NHS: variants seen among roughly 807,000 people sequenced by gnomAD.
The protein encoded by NHS is actin remodeling regulator NHS.
NHS carries 5 observed loss-of-function variants against 72.5 expected under a neutral mutation model. The ratio of observed to expected loss-of-function variants is 0.07; its 90% CI spans 0.04 to 0.14. The LOEUF (loss-of-function observed/expected upper bound fraction) is 0.14. Ranked by LOEUF, NHS falls within the 10% of genes least tolerant of loss-of-function variation. The probability of loss-of-function intolerance (pLI) is 1.00; values close to 1 mark genes in which losing one functional copy is unlikely to be tolerated. For synonymous variants in NHS, 464 were observed against 547.7 expected (o/e 0.85, Z 2.13); for missense variants, 1,072 against 1,355.7 (o/e 0.79, Z 3.29).
intron 1 of NHS, among the ~76,000 whole-genome samples, chrX:17,662,566 G>T (rs1318226021): frequency 8.9e-6 from 1 of 111,824 alleles, no homozygotes; most frequent in Non-Finnish European, 1.9e-5. Flanking sequence ...AATTTTGAGG[G>T]TTGCCAGGAT....
At chrX:17,622,953 G>A (rs952184923) in intron 1 of NHS, among the ~76,000 whole-genome samples, 1 of 110,392 alleles carries the variant, frequency 9.1e-6, no homozygotes, top group Non-Finnish European at 1.9e-5. Flanking sequence ...TTTTAGATGG[G>A]TTCTTGCTCA....
intron 1 of NHS, among the ~76,000 whole-genome samples, chrX:17,393,954 C>T (rs1213677412): frequency 9.0e-6 from 1 of 111,533 alleles, no homozygotes; most frequent in African/African-American, 3.3e-5. Flanking sequence ...GTTTCCCTGA[C>T]TCCGTTGCTG....
Position 17,727,787 on chromosome X carries a change from T to A in NHS, c.3681T>A (p.Asn1227Lys), listed in dbSNP as rs1407704825. 8.3e-7 allele frequency: 1 copy of A among 1,210,029 alleles called. No individual in the cohort carries two copies. Among genetic ancestry groups the A allele is most frequent in the Non-Finnish European group, 1.1e-6 (1 of 895,302 alleles). The change falls in exon 7 of 9, where the codon AAT becomes AAA. Residue 1227 changes from asparagine (N) to lysine (K), a missense_variant. Asn to Lys is a moderately conservative substitution (Grantham distance 94, BLOSUM62 0). Coordinates refer to ENST00000676302, the MANE Select transcript of NHS (RefSeq NM_001291867.2). Reference sequence around the variant, plus strand: ...AAAACTCTACTTTTGATGTGAAGAATCGCTGCGATCCAGAAACCATAACAT... The same window carrying A: ...AAAACTCTACTTTTGATGTGAAGAAACGCTGCGATCCAGAAACCATAACAT... ...LEKNSTFDVK[N>K]RCDPETITSA...
chrX:17,569,451 C>T (rs1260792236), intron 1 of NHS, among the ~76,000 whole-genome samples: 1 of 110,473 alleles, frequency 9.1e-6, no homozygotes, highest in Non-Finnish European at 1.9e-5. Flanking sequence ...TGTCTGTTGG[C>T]TGCATAAATG....
intron 1 of NHS, among the ~76,000 whole-genome samples, chrX:17,668,069 T>C (rs1482327972): frequency 2.2e-5 from 2 of 90,603 alleles, no homozygotes; most frequent in Admixed American, 1.3e-4. Flanking sequence ...CCTGGCAACA[T>C]GGCAAAACCC....
chrX:17,665,511 C>T (rs944302386), intron 1 of NHS, among the ~76,000 whole-genome samples: 2 of 107,409 alleles, frequency 1.9e-5, no homozygotes, highest in African/African-American at 6.8e-5. Context: ...GTATTTTTAG[C>T]AGAGACGGGG....
At chrX:17,581,875 T>C (rs1398573208) in intron 1 of NHS, among the ~76,000 whole-genome samples, 1 of 111,803 alleles carries the variant, frequency 8.9e-6, no homozygotes, top group Non-Finnish European at 1.9e-5. Context: ...CATTAAACTT[T>C]CAAGAATGTA....
intron 1 of NHS, among the ~76,000 whole-genome samples, chrX:17,426,674 A>C (rs1260003418): frequency 8.9e-6 from 1 of 112,269 alleles, no homozygotes; most frequent in African/African-American, 3.2e-5. Flanking sequence ...CATCATTCAC[A>C]GTGACCAGCT....
chrX:17,494,133 C>T (rs1192590273), intron 1 of NHS, among the ~76,000 whole-genome samples: 1 of 93,192 alleles, frequency 1.1e-5, no homozygotes, highest in East Asian at 3.5e-4. Flanking sequence ...GGCTGTAGTG[C>T]AGTGGTGCAA....
chrX:17,615,962 T>C (rs1005727971), intron 1 of NHS, among the ~76,000 whole-genome samples: 1 of 111,568 alleles, frequency 9.0e-6, no homozygotes, highest in South Asian at 3.8e-4. Context: ...TTTAAAAAAA[T>C]AGTTAATTAC....
chrX:17,488,982 C>T (rs1247382192), intron 1 of NHS, among the ~76,000 whole-genome samples: 1 of 111,048 alleles, frequency 9.0e-6, no homozygotes, highest in Non-Finnish European at 1.9e-5. Context: ...TGATGTTCCC[C>T]TCCCTGTGTT....
intron 1 of NHS, among the ~76,000 whole-genome samples, chrX:17,464,118 T>TG (rs1467563595): frequency 8.9e-6 from 1 of 111,919 alleles, no homozygotes; most frequent in African/African-American, 3.2e-5. Context: ...TGACCTGCCT[T>TG]GGGGGAGAGG....
chrX:17,396,780 A>C (rs1267881982), intron 1 of NHS, among the ~76,000 whole-genome samples: 1 of 111,864 alleles, frequency 8.9e-6, no homozygotes, highest in Non-Finnish European at 1.9e-5. Context: ...CCACTGAGAC[A>C]CATAGTTTAA....
intron 1 of NHS, among the ~76,000 whole-genome samples, chrX:17,654,967 G>A (rs1314176238): frequency 1.8e-5 from 2 of 112,107 alleles, no homozygotes; most frequent in East Asian, 2.8e-4. Flanking sequence ...TTAGTAAATC[G>A]CCGCTCCCTG....
chrX:17,694,405 G>C (rs974869807), intron 3 of NHS, among the ~76,000 whole-genome samples: 3 of 112,349 alleles, frequency 2.7e-5, no homozygotes, highest in Non-Finnish European at 5.6e-5. Flanking sequence ...TATAGAGACA[G>C]GAAATTTGTA....
chrX:17,386,748 G>A (rs978436641), intron 1 of NHS, among the ~76,000 whole-genome samples: 4 of 110,771 alleles, frequency 3.6e-5, no homozygotes, highest in Non-Finnish European at 7.6e-5. Context: ...GACACTGTTG[G>A]TGTAAAAATG....
chrX:17,521,938 G>A (rs1191760984), intron 1 of NHS, among the ~76,000 whole-genome samples: 1 of 112,647 alleles, frequency 8.9e-6, no homozygotes, highest in Non-Finnish European at 1.9e-5. Flanking sequence ...ATCAGGGTTT[G>A]GTTCCAATTC....
intron 1 of NHS, among the ~76,000 whole-genome samples, chrX:17,579,773 A>G (rs1297772838): frequency 1.8e-5 from 2 of 111,301 alleles, no homozygotes; most frequent in Non-Finnish European, 3.8e-5. Flanking sequence ...CAAGAATTGC[A>G]GTCTCTCTGT....
intron 1 of NHS, among the ~76,000 whole-genome samples, chrX:17,491,931 T>C (rs960645631): frequency 7.2e-5 from 8 of 110,959 alleles, no homozygotes; most frequent in Non-Finnish European, 1.3e-4. Flanking sequence ...GAAGTGTTTG[T>C]AGTATTCTTT....
Sources: allele counts gnomAD v4.1 joint callset (sites outside exome capture counted in the v4.1 genomes callset), GRCh38; gene constraint gnomAD v4.1.1; transcripts MANE v1.5; gene names NCBI Gene and HGNC (gene_info 2026-07-23, HGNC 2026-07-21).